Variants in ESR1 observed in about 807,000 individuals in gnomAD.
ESR1 encodes the protein estrogen receptor 1.
ESR1 carries 12 observed loss-of-function variants against 52.7 expected under a neutral mutation model. That is an observed-to-expected ratio of 0.23 (90% CI 0.15 to 0.37). The LOEUF (loss-of-function observed/expected upper bound fraction) is 0.37. ESR1 is among the 10% of genes least tolerant of loss of function. ESR1 has a pLI of 1.00. For missense variants in ESR1, 584 were observed against 779.7 expected (o/e 0.75, Z 2.99); for synonymous variants, 305 against 316.8 (o/e 0.96, Z 0.39).
chr6:151,895,395 T>C (rs1445799178), intron 3 of ESR1, among the ~76,000 whole-genome samples: 1 of 152,216 alleles, frequency 6.6e-6, no homozygotes, highest in Non-Finnish European at 1.5e-5. Flanking sequence ...TATTTCTTTC[T>C]CTTGTCTGCT....
At chr6:151,758,248 C>G (rs1022582212) in intron 2 of ESR1, among the ~76,000 whole-genome samples, 2 of 152,170 alleles carry the variant, frequency 1.3e-5, no homozygotes, top group Non-Finnish European at 2.9e-5. Context: ...ATTTTAGATG[C>G]CTCTGGGGAC....
At chr6:151,921,265 C>A (rs1190189931) in intron 3 of ESR1, among the ~76,000 whole-genome samples, 1 of 152,116 alleles carries the variant, frequency 6.6e-6, no homozygotes, top group African/African-American at 2.4e-5. Flanking sequence ...GATTTGATAT[C>A]CTTCCTTTTT....
At chr6:151,924,602 C>T (rs181705180) in intron 3 of ESR1, among the ~76,000 whole-genome samples, 10 of 152,132 alleles carry the variant, frequency 6.6e-5, no homozygotes, top group South Asian at 2.1e-4. Flanking sequence ...TGTTCCCTCA[C>T]GTAGGCCCCA....
chr6:151,774,182 T>C (rs1238326215), intron 2 of ESR1, among the ~76,000 whole-genome samples: 2 of 152,314 alleles, frequency 1.3e-5, no homozygotes, highest in East Asian at 3.9e-4. Flanking sequence ...ATTTCACTAG[T>C]TTGTAAAAGG....
chr6:151,779,841 A>C (rs1786367878), intron 2 of ESR1, among the ~76,000 whole-genome samples: 1 of 126,334 alleles, frequency 7.9e-6, no homozygotes, highest in Non-Finnish European at 1.7e-5. Flanking sequence ...CGGAGCTTGC[A>C]GTGAGCCGAG....
chr6:151,809,439 G>A (rs928641003), intron 1 of ESR1, among the ~76,000 whole-genome samples: 1 of 152,162 alleles, frequency 6.6e-6, no homozygotes, highest in African/African-American at 2.4e-5. Flanking sequence ...ACCTTCCTAG[G>A]TGGCCACAGG....
intron 4 of ESR1, among the ~76,000 whole-genome samples, chr6:151,986,329 A>G (rs913306272): frequency 3.9e-5 from 6 of 152,104 alleles, no homozygotes; most frequent in Non-Finnish European, 2.9e-5. Flanking sequence ...AGATAAAGGC[A>G]TTGTTGCTTT....
At chr6:151,873,636 C>T (rs951713418) in intron 2 of ESR1, among the ~76,000 whole-genome samples, 1 of 152,164 alleles carries the variant, frequency 6.6e-6, no homozygotes, top group Non-Finnish European at 1.5e-5. Flanking sequence ...TTGTCTGTAC[C>T]TTAACACCTA....
intron 2 of ESR1, among the ~76,000 whole-genome samples, chr6:151,724,471 A>G (rs540556979): frequency 1.1e-4 from 16 of 152,216 alleles, no homozygotes; most frequent in Admixed American, 5.2e-4. Flanking sequence ...TCCCCACCCG[A>G]TTACCCTAGA....
intron 1 of ESR1, chr6:151,809,107 G>A (rs910113432): frequency 7.9e-6 from 3 of 379,866 alleles, no homozygotes; most frequent in African/African-American, 6.4e-5. Context: ...AAGCACAAGT[G>A]CTTAAAAATA....
At chr6:151,673,400 T>C (rs1295754159) in intron 1 of ESR1, among the ~76,000 whole-genome samples, 3 of 152,192 alleles carry the variant, frequency 2.0e-5, no homozygotes, top group Non-Finnish European at 4.4e-5. Flanking sequence ...GTACCATTCA[T>C]ATTACATAAT....
intron 2 of ESR1, among the ~76,000 whole-genome samples, chr6:151,850,245 A>C (rs1786395323): frequency 6.7e-6 from 1 of 149,882 alleles, no homozygotes; most frequent in Middle Eastern, 3.4e-3. Flanking sequence ...GTTAAGGTGA[A>C]GTTATACTGT....
rs375699864 is a variant in ESR1, at chr6:151,659,132, G to A, written n.73+2369G>A. On this transcript the variant is annotated intron_variant and non_coding_transcript_variant, in intron 1 of 2. Transcript: ENST00000473497. ...GGGTTCAAGTGATTCTCCTGCCTCA[G>A]CCTCCTGAGTAGCTGGGATTACAGT... 1.0e-3 allele frequency among the ~76,000 whole-genome samples: 157 copies of A among 152,278 alleles called. 1 individual carries two copies. In the South Asian group the frequency reaches 0.017, roughly 16 times the overall value.
intron 3 of ESR1, among the ~76,000 whole-genome samples, chr6:151,925,122 G>GTTTTTTTTT (rs1210135856): frequency 0.096 from 3,721 of 38,722 alleles, 100 homozygotes; most frequent in African/African-American, 0.3. Context: ...CCCAGCATCT[G>GTTTTTTTTT]GTTTTTTTTG....
intron 4 of ESR1, among the ~76,000 whole-genome samples, chr6:151,964,716 ACTGCAAGCT>A (rs1403052145): frequency 1.3e-5 from 2 of 150,908 alleles, no homozygotes; most frequent in African/African-American, 4.9e-5. Flanking sequence ...ATCTCCACTC[ACTGCAAGCT>A]CTGCCTCCTG....
Position 152,109,070 on chromosome 6 carries a change from G to A in ESR1, c.851-16196G>A, listed in dbSNP as rs142374086. 2.3e-3 allele frequency among the ~76,000 whole-genome samples: 351 copies of A among 152,150 alleles called. 3 individuals carry two copies. The highest frequency in any genetic ancestry group is 8.1e-3 in the African/African-American group (336 of 41,508). ...CAGGAGGAGAAGGCAGAGGGAGGTG[G>A]GGAGGCGCTACACACTTTTCAACAA... On this transcript the variant is annotated intron_variant, in intron 6 of 6. Transcript: ENST00000427531.
At chr6:151,807,485 C>G, upstream of ESR1, 1 of 267,464 alleles carries the variant, frequency 3.7e-6, no homozygotes, top group Non-Finnish European at 7.4e-6. Context: ...AACTCAGCCT[C>G]TATCCAGCAG....
intron 4 of ESR1, among the ~76,000 whole-genome samples, chr6:151,946,521 A>G (rs534940226): frequency 6.6e-6 from 1 of 152,368 alleles, no homozygotes; most frequent in African/African-American, 2.4e-5. Context: ...AAATACAATT[A>G]TTAAAGCCAG....
intron 2 of ESR1, among the ~76,000 whole-genome samples, chr6:151,868,952 T>G (rs558747034): frequency 2.0e-5 from 3 of 152,140 alleles, no homozygotes; most frequent in African/African-American, 7.2e-5. Context: ...TTGAGAGACA[T>G]GCATATTCCA....
Sources: gnomAD v4.1 joint callset for allele counts (sites outside exome capture counted in the v4.1 genomes callset) on GRCh38, gnomAD v4.1.1 for gene constraint, MANE v1.5 for transcripts, NCBI Gene and HGNC (gene_info 2026-07-23, HGNC 2026-07-21) for gene names.